ARHGAP8: variants seen among roughly 807,000 people sequenced by gnomAD.
ARHGAP8 encodes Rho GTPase activating protein 8.
A neutral mutation model predicts 46.1 loss-of-function variants in ARHGAP8; 62 were observed. The observed-to-expected ratio is 1.34, with a 90% CI of 1.10 to 1.66. The LOEUF is 1.66. ARHGAP8 is among the 40% of genes most tolerant of loss of function. The pLI is 0.00. For missense variants in ARHGAP8, 923 were observed against 568.4 expected (o/e 1.62, Z -6.34); for synonymous variants, 375 against 243.1 (o/e 1.54, Z -5.05).
At chr22:44,759,167 T>C (rs1924927096) in intron 1 of ARHGAP8, among the ~76,000 whole-genome samples, 1 of 152,180 alleles carries the variant, frequency 6.6e-6, no homozygotes, top group Non-Finnish European at 1.5e-5. Context: ...TGCTTGTTCT[T>C]TTATTCAACA....
chr22:44,789,611 AC>A (rs1409077969), intron 2 of ARHGAP8, among the ~76,000 whole-genome samples: 4 of 150,926 alleles, frequency 2.7e-5, no homozygotes, highest in African/African-American at 9.8e-5. Flanking sequence ...CAGTCCTCCC[AC>A]CTCAGCTTCT....
At chr22:44,797,249 T>G (rs796262937) in intron 2 of ARHGAP8, among the ~76,000 whole-genome samples, 10 of 151,304 alleles carry the variant, frequency 6.6e-5, no homozygotes, top group African/African-American at 2.4e-4. Flanking sequence ...CCTGATGTTA[T>G]CTTTCTCTTT....
intron 10 of ARHGAP8, 87 bp from the exon 11 acceptor site, chr22:44,859,644 C>G: frequency 7.0e-7 from 1 of 1,435,562 alleles, no homozygotes; most frequent in East Asian, 2.3e-5. Context: ...AGCTGTCCTT[C>G]CTACACCCCT....
Position 44,802,163 on chromosome 22 carries a change from GAGTA to G in ARHGAP8, c.167+3_167+6del, listed in dbSNP as rs766387703. ...CGAGCTGGACCACCAGCGGCTGCTG[GAGTA>G]AGTGTTCTGCCCCCTCTCTTTCTGT... On this transcript the variant is annotated splice_donor_variant and splice_donor_region_variant and coding_sequence_variant and intron_variant, in exon 3 of 12. Transcript: ENST00000356099. LOFTEE classifies it high-confidence loss of function. The G allele has an allele frequency of 1.7e-4, 272 of 1,614,098 alleles. No individual in the cohort carries two copies. Among genetic ancestry groups the G allele is most frequent in the Admixed American group, 3.7e-4 (22 of 60,010 alleles).
At chr22:44,833,096 C>CTTTTCTTT (rs535842585) in intron 7 of ARHGAP8, among the ~76,000 whole-genome samples, 1 of 120,432 alleles carries the variant, frequency 8.3e-6, no homozygotes, top group Non-Finnish European at 1.7e-5. Context: ...CTTTTCTTTT[C>CTTTTCTTT]TTTTTTTTTT....
chr22:44,828,872 C>G lies in ARHGAP8; in HGVS notation c.596+3279C>G, dbSNP rs187639505. 3.4e-4 allele frequency among the ~76,000 whole-genome samples: 52 copies of G among 152,186 alleles called. No homozygotes were observed. The East Asian group carries it at 9.9e-3, about 29-fold the overall frequency. On this transcript the variant is annotated intron_variant, in intron 7 of 11. Coordinates refer to ENST00000356099, the MANE Select transcript of ARHGAP8 (RefSeq NM_181335.3). ...TTCCATGTGCTGTGGCACACAGGGT[C>G]CCAGGGGTGGGTCTTTAGCTGGGAG...
intron 2 of ARHGAP8, among the ~76,000 whole-genome samples, chr22:44,796,967 G>T (rs913956551): frequency 2.0e-5 from 3 of 152,184 alleles, no homozygotes; most frequent in Non-Finnish European, 4.4e-5. Context: ...AGACATAGAT[G>T]ATGGGTGTGG....
At chr22:44,770,610 T>G (rs1197177677) in intron 1 of ARHGAP8, among the ~76,000 whole-genome samples, 4 of 152,184 alleles carry the variant, frequency 2.6e-5, no homozygotes, top group African/African-American at 9.6e-5. Context: ...TTTACCATGA[T>G]GCCCAGGCTG....
chr22:44,771,940 G>C (rs1181568374), intron 1 of ARHGAP8, among the ~76,000 whole-genome samples: 1 of 152,142 alleles, frequency 6.6e-6, no homozygotes, highest in Non-Finnish European at 1.5e-5. Context: ...CCAGTATACT[G>C]TCAAATAGAG....
intron 10 of ARHGAP8, among the ~76,000 whole-genome samples, chr22:44,852,625 G>A (rs935556805): frequency 6.6e-6 from 1 of 152,154 alleles, no homozygotes; most frequent in Admixed American, 6.5e-5. Context: ...TCTCAGTGCT[G>A]TGACTAGGTC....
chr22:44,786,797 T>C (rs1927273537), intron 2 of ARHGAP8, among the ~76,000 whole-genome samples, 191 bp downstream of exon 2: 1 of 152,126 alleles, frequency 6.6e-6, no homozygotes. Flanking sequence ...GGCAGATTGC[T>C]TCAGCCCACG....
intron 4 of ARHGAP8, among the ~76,000 whole-genome samples, 160 bp from the exon 5 acceptor site, chr22:44,814,512 C>A (rs1447873913): frequency 6.6e-6 from 1 of 152,154 alleles, no homozygotes; most frequent in Non-Finnish European, 1.5e-5. Flanking sequence ...CTGATTTTCC[C>A]CGAGTTTATT....
intron 1 of ARHGAP8, among the ~76,000 whole-genome samples, chr22:44,783,627 C>T: frequency 6.6e-6 from 1 of 152,164 alleles, no homozygotes; most frequent in Non-Finnish European, 1.5e-5. Flanking sequence ...AACCGGCATC[C>T]CTGAGGCCAG....
intron 7 of ARHGAP8, among the ~76,000 whole-genome samples, chr22:44,829,015 G>A (rs902959856): frequency 1.3e-5 from 2 of 148,568 alleles, no homozygotes; most frequent in East Asian, 4.1e-4. Flanking sequence ...GCTCATGCCT[G>A]TAATCCCAAC....
At chr22:44,784,584 G>C (rs570245478) in intron 1 of ARHGAP8, among the ~76,000 whole-genome samples, 9 of 152,250 alleles carry the variant, frequency 5.9e-5, no homozygotes, top group African/African-American at 2.2e-4. Context: ...TGGTATCCCT[G>C]GGGGGTCCTG....
chr22:44,790,094 C>G (rs1421893903), intron 2 of ARHGAP8, among the ~76,000 whole-genome samples: 2 of 152,116 alleles, frequency 1.3e-5, no homozygotes, highest in Non-Finnish European at 2.9e-5. Flanking sequence ...CATGGTGGCT[C>G]TGGGGCACAT....
chr22:44,805,481 G>A (rs188790824), intron 3 of ARHGAP8, among the ~76,000 whole-genome samples: 60 of 152,332 alleles, frequency 3.9e-4, no homozygotes, highest in African/African-American at 1.4e-3. Flanking sequence ...TGGACAAAAA[G>A]CACCCCTGAC....
At chr22:44,800,961 T>C (rs368383741) in intron 2 of ARHGAP8, among the ~76,000 whole-genome samples, 3 of 3,388 alleles carry the variant, frequency 8.9e-4, no homozygotes, top group African/African-American at 2.1e-3. Context: ...GGGGGCCGCC[T>C]CTCCCCGCAG....
chr22:44,852,491 C>G (rs928637830), intron 10 of ARHGAP8, among the ~76,000 whole-genome samples: 1 of 152,168 alleles, frequency 6.6e-6, no homozygotes, highest in African/African-American at 2.4e-5. Context: ...TCAGCATGCC[C>G]AGGCTCCATA....
Sources: allele counts gnomAD v4.1 joint callset (sites outside exome capture counted in the v4.1 genomes callset), GRCh38; gene constraint gnomAD v4.1.1; transcripts MANE v1.5; gene names NCBI Gene and HGNC (gene_info 2026-07-23, HGNC 2026-07-21).